ZNF385D: variants seen among roughly 807,000 people sequenced by gnomAD.
ZNF385D encodes zinc finger protein 385D.
A neutral mutation model predicts 35.8 loss-of-function variants in ZNF385D; 15 were observed. The ratio of observed to expected loss-of-function variants is 0.42; its 90% confidence interval spans 0.28 to 0.64. ZNF385D has a LOEUF of 0.64. Ranked by LOEUF, ZNF385D falls within the 30% of genes least tolerant of loss-of-function variation. ZNF385D has a pLI of 0.23. For missense variants in ZNF385D, 474 were observed against 494.6 expected, an observed-to-expected ratio of 0.96 and a Z score of 0.39; for synonymous variants, 212 against 186.8, an observed-to-expected ratio of 1.13 and a Z score of -1.10.
intron 2 of ZNF385D, among the ~76,000 whole-genome samples, chr3:22,339,020 A>G (rs981181086): frequency 6.6e-6 from 1 of 152,038 alleles, no homozygotes; most frequent in Non-Finnish European, 1.5e-5. Flanking sequence ...TTTTTAAAAA[A>G]GAAAACATTG....
chr3:21,932,361 A>C (rs1045435867), intron 3 of ZNF385D, among the ~76,000 whole-genome samples: 7 of 152,000 alleles, frequency 4.6e-5, no homozygotes, highest in Admixed American at 3.9e-4. Flanking sequence ...AGTCAAAGCA[A>C]GTTTTCAGTA....
At chr3:22,266,204 A>T (rs1700887148) in intron 2 of ZNF385D, among the ~76,000 whole-genome samples, 1 of 151,910 alleles carries the variant, frequency 6.6e-6, no homozygotes, top group African/African-American at 2.4e-5. Flanking sequence ...TCTTGTTTGG[A>T]AGAGGAGCCA....
intron 3 of ZNF385D, among the ~76,000 whole-genome samples, chr3:21,897,323 T>C (rs935983326): frequency 1.3e-5 from 2 of 152,128 alleles, no homozygotes; most frequent in African/African-American, 4.8e-5. Context: ...CTAAGAACTA[T>C]ATAGTAAGAA....
chr3:21,671,641 CA>C (rs373209717), intron 1 of ZNF385D, among the ~76,000 whole-genome samples: 31 of 152,122 alleles, frequency 2.0e-4, no homozygotes, highest in African/African-American at 7.0e-4. Context: ...TGAACTAAAA[CA>C]ACAATATGAT....
intron 3 of ZNF385D, among the ~76,000 whole-genome samples, chr3:21,945,589 GT>G (rs1701742495): frequency 6.6e-6 from 1 of 152,086 alleles, no homozygotes; most frequent in Non-Finnish European, 1.5e-5. Flanking sequence ...TTGAACAAAT[GT>G]TTTTTTCTGG....
At chr3:21,730,675 C>G (rs532131341) in intron 1 of ZNF385D, among the ~76,000 whole-genome samples, 1 of 152,340 alleles carries the variant, frequency 6.6e-6, no homozygotes, top group South Asian at 2.1e-4. Context: ...GCTTCCAAGT[C>G]TAACAACTGC....
At chr3:22,152,517 G>T (rs1044122251) in intron 3 of ZNF385D, among the ~76,000 whole-genome samples, 19 of 152,152 alleles carry the variant, frequency 1.2e-4, no homozygotes, top group Non-Finnish European at 2.5e-4. Flanking sequence ...TGTAAGGGAA[G>T]AATCTGTTTC....
At chr3:22,279,422 T>C (rs1042387363) in intron 2 of ZNF385D, among the ~76,000 whole-genome samples, 3 of 151,554 alleles carry the variant, frequency 2.0e-5, no homozygotes, top group African/African-American at 7.3e-5. Context: ...TCCAGGTTAC[T>C]GCAAATGCTA....
At chr3:22,069,268 C>A (rs1700116578) in intron 3 of ZNF385D, among the ~76,000 whole-genome samples, 1 of 152,168 alleles carries the variant, frequency 6.6e-6, no homozygotes, top group African/African-American at 2.4e-5. Flanking sequence ...TCTCTTGGAA[C>A]TGGCAAATGG....
At chr3:21,789,126 C>T (rs1319840566) in intron 3 of ZNF385D, among the ~76,000 whole-genome samples, 1 of 152,022 alleles carries the variant, frequency 6.6e-6, no homozygotes, top group Non-Finnish European at 1.5e-5. Context: ...TAATTGTAGG[C>T]CATTACTTGG....
chr3:21,423,992 T>G lies in ZNF385D; in HGVS notation c.925A>C (p.Lys309Gln), dbSNP rs1259273597. The change falls in exon 7 of 8, where the codon AAA becomes CAA. Residue 309 changes from lysine to glutamine, a missense_variant. Lys to Gln is a moderately conservative substitution (Grantham distance 53, BLOSUM62 1). Coordinates refer to ENST00000281523, the MANE Select transcript of ZNF385D (RefSeq NM_024697.3). ...AGTGGATGTGCTGTCTTCTGTAGTT[T>G]GTTGTAAGGACTGTATTTAGGTTTC... is the stretch of plus-strand genomic sequence containing the variant. Reference protein sequence around the residue: ...PPKPKYSPYNKLQKTAHPLGV... With the variant: ...PPKPKYSPYNQLQKTAHPLGV... 1 of 1,609,808 alleles carries G rather than the reference T, an allele frequency of 6.2e-7. No individual in the cohort carries two copies. Among genetic ancestry groups the G allele is most frequent in the African/African-American group, 1.3e-5 (1 of 74,672 alleles).
intron 3 of ZNF385D, among the ~76,000 whole-genome samples, chr3:21,824,716 C>T (rs1243153368): frequency 6.6e-6 from 1 of 152,014 alleles, no homozygotes; most frequent in Non-Finnish European, 1.5e-5. Context: ...GCATCCCCAT[C>T]ATACTGGAGT....
intron 1 of ZNF385D, among the ~76,000 whole-genome samples, chr3:21,711,424 G>A (rs1300640941): frequency 6.6e-6 from 1 of 151,340 alleles, no homozygotes; most frequent in Non-Finnish European, 1.5e-5. Context: ...TAATAAGTTT[G>A]TAAAGATTGG....
In ZNF385D at chr3:21,926,577, C is replaced by A. The variant is rs1050543995; in HGVS notation, c.325+242240G>T. On this transcript the variant is annotated intron_variant, in intron 3 of 5. Transcript: ENST00000494108. ...GGTTCCAAGTCTTTGCTATTGTGAA[C>A]AGTGCTGCAATAAACACACGTGTGC... Among the ~76,000 whole-genome samples, 3 of 152,070 alleles carry A rather than the reference C, an allele frequency of 2.0e-5. No homozygotes were observed. The East Asian group carries it at 5.8e-4, about 29-fold the overall frequency.
At chr3:22,343,679 ATTC>A (rs1695525526) in intron 2 of ZNF385D, among the ~76,000 whole-genome samples, 1 of 152,200 alleles carries the variant, frequency 6.6e-6, no homozygotes, top group African/African-American at 2.4e-5. Context: ...GCTACCCAAT[ATTC>A]TTCTAATAAA....
intron 3 of ZNF385D, among the ~76,000 whole-genome samples, chr3:22,100,823 T>A (rs1161603591): frequency 6.6e-6 from 1 of 151,350 alleles, no homozygotes; most frequent in Non-Finnish European, 1.5e-5. Context: ...CCCTAAAACT[T>A]AAAGTATAAT....
At chr3:21,773,574 A>G (rs1457357637) in intron 3 of ZNF385D, among the ~76,000 whole-genome samples, 1 of 151,250 alleles carries the variant, frequency 6.6e-6, no homozygotes, top group African/African-American at 2.4e-5. Flanking sequence ...AATTTACAAG[A>G]AAAAAAACAA....
intron 3 of ZNF385D, among the ~76,000 whole-genome samples, chr3:22,048,748 G>C (rs1409427785): frequency 2.6e-5 from 4 of 152,074 alleles, no homozygotes; most frequent in Non-Finnish European, 5.9e-5. Context: ...GATTCCAAGT[G>C]AATTTTAGGA....
At position 22,078,140 on chromosome 3, in the gene ZNF385D, C is replaced by T. The variant is rs570196203; in HGVS notation, c.325+90677G>A. ...AAAGCATGGGAGAATTTCCTAGGCT[C>T]ATTATCGGAAACGTCAAACTGGATA... is the stretch of plus-strand genomic sequence containing the variant. On this transcript the variant is annotated intron_variant, in intron 3 of 5. Coordinates refer to the ZNF385D transcript ENST00000494108. Among the ~76,000 whole-genome samples, 18 of 152,066 alleles carry T rather than the reference C, an allele frequency of 1.2e-4. No homozygotes were observed. The South Asian group carries it at 3.5e-3, about 30-fold the overall frequency.
Sources: gnomAD v4.1 joint callset for allele counts (sites outside exome capture counted in the v4.1 genomes callset) on GRCh38, gnomAD v4.1.1 for gene constraint, MANE v1.5 for transcripts, NCBI Gene and HGNC (gene_info 2026-07-23, HGNC 2026-07-21) for gene names.